The following CFH variants were observed in gnomAD, a reference collection of about 807,000 sequenced individuals.
CFH encodes the protein complement factor H, also known as H factor 1 (complement).
A neutral mutation model predicts 147.3 loss-of-function variants in CFH; 53 were observed. That is an observed-to-expected ratio of 0.36 (90% CI 0.29 to 0.45). The LOEUF is 0.45. Ranked by LOEUF, CFH falls within the 20% of genes least tolerant of loss-of-function variation. CFH has a pLI of 1.00. For missense variants in CFH, 1,380 were observed against 1,498.0 expected, an observed-to-expected ratio of 0.92 and a Z score of 1.30; for synonymous variants, 536 against 489.4, an observed-to-expected ratio of 1.10 and a Z score of -1.26.
chr1:196,702,523 GAAA>G (rs764708240), intron 9 of CFH, among the ~76,000 whole-genome samples: 3 of 74,194 alleles, frequency 4.0e-5, no homozygotes, highest in African/African-American at 4.6e-5. Flanking sequence ...GAACAGGATT[GAAA>G]AAAAAAAAAA....
chr1:196,700,524 C>T (rs896763917), intron 9 of CFH, among the ~76,000 whole-genome samples: 1 of 151,898 alleles, frequency 6.6e-6, no homozygotes, highest in Non-Finnish European at 1.5e-5. Context: ...CATGGTGGCA[C>T]ATGCCTGTAA....
chr1:196,717,178 A>C (rs1349861157), intron 11 of CFH, among the ~76,000 whole-genome samples: 1 of 152,098 alleles, frequency 6.6e-6, no homozygotes, highest in African/African-American at 2.4e-5. Flanking sequence ...ATTGCTTAAT[A>C]AGTCATCCTG....
intron 14 of CFH, among the ~76,000 whole-genome samples, chr1:196,727,962 C>T (rs113805816): frequency 5.3e-5 from 8 of 152,116 alleles, no homozygotes; most frequent in African/African-American, 1.2e-4. Flanking sequence ...GATGACTAAC[C>T]GGGAGGATCT....
chr1:196,744,499 T>C (rs1652934107), intron 20 of CFH, among the ~76,000 whole-genome samples: 1 of 152,154 alleles, frequency 6.6e-6, no homozygotes, highest in African/African-American at 2.4e-5. Flanking sequence ...GCTTTTCTCC[T>C]CCTTTTAAAA....
At chr1:196,732,470 C>T (rs1175372678) in intron 15 of CFH, among the ~76,000 whole-genome samples, 3 of 151,978 alleles carry the variant, frequency 2.0e-5, no homozygotes, top group Admixed American at 6.6e-5. Context: ...ATCCACTTCC[C>T]TCAGGTCAAT....
intron 6 of CFH, among the ~76,000 whole-genome samples, chr1:196,682,551 G>A (rs141367671): frequency 6.6e-6 from 1 of 151,306 alleles, no homozygotes; most frequent in African/African-American, 2.4e-5. Flanking sequence ...GCATCTCATA[G>A]CTTTTGACTT....
In CFH at chr1:196,673,179, A is replaced by C. The variant is rs1553272896; in HGVS notation, c.244+16A>C. The C allele has an allele frequency of 5.0e-6, 8 of 1,606,178 alleles. No individual in the cohort carries two copies. The South Asian group carries it at 8.8e-5, about 18-fold the overall frequency. On this transcript the variant is annotated intron_variant, in intron 2 of 21. Transcript: ENST00000367429. ...AAATGTCAGAGTAAGTACTTAATAC[A>C]TTTGTGAAATTTATGAAAACTAGGT...
At chr1:196,666,595 G>C (rs1005406120) in intron 1 of CFH, among the ~76,000 whole-genome samples, 1 of 151,520 alleles carries the variant, frequency 6.6e-6, no homozygotes, top group South Asian at 2.1e-4. Flanking sequence ...TCAGGAGATT[G>C]AGACCATCCT....
At chr1:196,671,862 A>C (rs1434401072) in intron 1 of CFH, among the ~76,000 whole-genome samples, 1 of 149,594 alleles carries the variant, frequency 6.7e-6, no homozygotes, top group African/African-American at 2.4e-5. Flanking sequence ...TATAAATGAA[A>C]CAGCAGAAAA....
At chr1:196,686,103 T>G (rs1335906805) in intron 7 of CFH, among the ~76,000 whole-genome samples, 1 of 152,036 alleles carries the variant, frequency 6.6e-6, no homozygotes, top group Non-Finnish European at 1.5e-5. Context: ...CCAGGTCTCA[T>G]GAGAACTCAC....
At chr1:196,720,239 T>C (rs1014753565) in intron 11 of CFH, among the ~76,000 whole-genome samples, 9 of 152,002 alleles carry the variant, frequency 5.9e-5, no homozygotes, top group Non-Finnish European at 1.3e-4. Flanking sequence ...TCTTAAGATA[T>C]TTCCATGGTG....
chr1:196,688,093 A>G (rs1667888820), intron 7 of CFH, among the ~76,000 whole-genome samples: 1 of 151,862 alleles, frequency 6.6e-6, no homozygotes, highest in African/African-American at 2.4e-5. Context: ...GTATGTGTGT[A>G]TTGAAATTCT....
intron 9 of CFH, among the ~76,000 whole-genome samples, chr1:196,702,047 T>C (rs778448917): frequency 6.6e-6 from 1 of 152,024 alleles, no homozygotes; most frequent in Non-Finnish European, 1.5e-5. Context: ...AGTACAACAA[T>C]GTAGAAAAAG....
intron 2 of CFH, 39 bp from the exon 3 acceptor site, chr1:196,673,818 C>A: frequency 8.3e-7 from 1 of 1,201,622 alleles, no homozygotes; most frequent in South Asian, 1.2e-5. Flanking sequence ...ATATTCCTTG[C>A]TATTACATAC....
Position 196,689,563 on chromosome 1 carries a change from G to A in CFH, c.1108G>A (p.Asp370Asn). 6.2e-7 allele frequency: 1 copy of A among 1,613,500 alleles called. No homozygotes were observed. Among genetic ancestry groups the A allele is most frequent in the Non-Finnish European group, 8.5e-7 (1 of 1,179,674 alleles). The part of the protein sequence containing the change: ...HFETPSGSYW[D>N]HIHCTQDGWS... ...TGAGACTCCGTCAGGAAGTTACTGGGATCACATTCATTGCACACAAGATGG... is the reference window on the plus strand; with the variant it reads ...TGAGACTCCGTCAGGAAGTTACTGGAATCACATTCATTGCACACAAGATGG... Residue 370 changes from aspartate (D) to asparagine (N), a missense_variant, in exon 8 of 22, where the codon GAT becomes AAT. By Grantham distance (23) the Asp-to-Asn change is conservative. This residue lies in a region of CFH where 167 missense variants were observed against 228.0 expected (regional missense o/e 0.73). Transcript: ENST00000367429.
intron 15 of CFH, among the ~76,000 whole-genome samples, chr1:196,729,984 T>C (rs1195454953): frequency 6.6e-6 from 1 of 151,936 alleles, no homozygotes; most frequent in Admixed American, 6.6e-5. Context: ...CTCTCTTTTT[T>C]AGTTATTCTG....
chr1:196,725,750 G>A (rs190374308), intron 12 of CFH, among the ~76,000 whole-genome samples: 32 of 152,272 alleles, frequency 2.1e-4, no homozygotes, highest in African/African-American at 7.7e-4. Flanking sequence ...GAGCAGGGCA[G>A]TGACAGGCTC....
intron 2 of CFH, 127 bp from the exon 3 acceptor site, chr1:196,673,728 CTA>C (rs1379443173): frequency 5.1e-5 from 36 of 706,260 alleles, no homozygotes; most frequent in Non-Finnish European, 8.7e-5. Flanking sequence ...AATGGCTTTG[CTA>C]TGTTTAATTT....
At chr1:196,660,310 G>C (rs1666856859) in intron 1 of CFH, among the ~76,000 whole-genome samples, 1 of 152,168 alleles carries the variant, frequency 6.6e-6, no homozygotes, top group South Asian at 2.1e-4. Context: ...AAATACATGG[G>C]AGATTTAACA....
Sources: gnomAD v4.1 joint callset for allele counts (sites outside exome capture counted in the v4.1 genomes callset) on GRCh38, gnomAD v4.1.1 for gene constraint, gnomAD v4.1.1 regional missense constraint, MANE v1.5 for transcripts, NCBI Gene and HGNC (gene_info 2026-07-23, HGNC 2026-07-21) for gene names.